The following SND1 variants were observed in gnomAD, a reference collection of about 807,000 sequenced individuals.
SND1 encodes staphylococcal nuclease and tudor domain containing 1.
SND1 carries 38 observed loss-of-function variants against 121.7 expected under a neutral mutation model. The ratio of observed to expected loss-of-function variants is 0.31; its 90% CI spans 0.24 to 0.41. The LOEUF is 0.41. SND1 is among the 10% of genes least tolerant of loss of function. The pLI, the probability that SND1 is intolerant of heterozygous loss-of-function variation, is 1.00. For missense variants in SND1, 868 were observed against 1,184.6 expected (o/e 0.73, Z 3.92); for synonymous variants, 401 against 447.4 (o/e 0.90, Z 1.31).
intron 15 of SND1, among the ~76,000 whole-genome samples, chr7:127,969,553 G>A (rs565558023): frequency 6.6e-5 from 10 of 152,210 alleles, no homozygotes; most frequent in Admixed American, 3.3e-4. Flanking sequence ...GTGAAATCCC[G>A]TCTCTACTAA....
intron 2 of SND1, chr7:127,694,564 C>A: frequency 4.9e-6 from 2 of 404,602 alleles, no homozygotes; most frequent in Non-Finnish European, 4.5e-6. Context: ...GGAAAAAGTC[C>A]TGCTGCCAGT....
intron 11 of SND1, among the ~76,000 whole-genome samples, chr7:127,841,093 A>G (rs867452543): frequency 6.6e-6 from 1 of 152,044 alleles, no homozygotes; most frequent in African/African-American, 2.4e-5. Flanking sequence ...TATTCCTCCT[A>G]TTATTACTCC....
At chr7:127,854,329 A>G (rs1389148459) in intron 12 of SND1, among the ~76,000 whole-genome samples, 1 of 152,004 alleles carries the variant, frequency 6.6e-6, no homozygotes, top group African/African-American at 2.4e-5. Flanking sequence ...GGGTTTTGCC[A>G]TGTTGGCCAG....
At chr7:127,679,767 ATC>A (rs1172438794) in intron 1 of SND1, among the ~76,000 whole-genome samples, 1 of 152,190 alleles carries the variant, frequency 6.6e-6, no homozygotes, top group East Asian at 1.9e-4. Flanking sequence ...TCAGTACGCA[ATC>A]TCTTTTTATT....
chr7:127,694,959 G>A lies in SND1; in HGVS notation c.349+11G>A. On this transcript the variant is annotated intron_variant, in intron 3 of 23. Transcript: ENST00000354725. ...TCTACCTTGGAAAAGGTGAGCTGCA[G>A]GGAGAGGACTCATTTCTCTCAAGTC... is the stretch of plus-strand genomic sequence containing the variant. 1 of 1,608,198 alleles carries A rather than the reference G, an allele frequency of 6.2e-7. No individual in the cohort carries two copies. Among genetic ancestry groups the A allele is most frequent in the Non-Finnish European group, 8.5e-7 (1 of 1,176,970 alleles).
intron 10 of SND1, among the ~76,000 whole-genome samples, chr7:127,774,004 C>T (rs1053090587): frequency 1.3e-5 from 2 of 152,278 alleles, no homozygotes; most frequent in Non-Finnish European, 1.5e-5. Context: ...TAATAATAAA[C>T]GACTACATGA....
intron 10 of SND1, among the ~76,000 whole-genome samples, chr7:127,737,850 T>C (rs1416594657): frequency 6.6e-6 from 1 of 152,214 alleles, no homozygotes; most frequent in Non-Finnish European, 1.5e-5. Flanking sequence ...TCAACCTGTA[T>C]AACCTAGAGT....
chr7:127,917,619 T>C (rs74653577), intron 14 of SND1, among the ~76,000 whole-genome samples: 5,440 of 152,294 alleles, frequency 0.036, 111 homozygotes, highest in Non-Finnish European at 0.053. Context: ...TGATAGGATC[T>C]GCTATGTTGC....
Position 128,092,191 on chromosome 7 carries a change from T to C in SND1, c.*133T>C. The C allele has an allele frequency of 1.0e-6, 1 of 967,630 alleles. No individual in the cohort carries two copies. Among genetic ancestry groups the C allele is most frequent in the Non-Finnish European group, 1.6e-6 (1 of 636,886 alleles). The allele number at this position is 967,630 out of a possible 1,614,324, so 59.9% of individuals were successfully genotyped here. ...AGCTTTGCTTCAGTGTGTGGAAATG[T>C]CTCGTGGGGTGGCATCGGGGCTGCG... is the stretch of plus-strand genomic sequence containing the variant. On this transcript the variant is annotated 3_prime_UTR_variant, in exon 24 of 24. Coordinates refer to ENST00000354725, the MANE Select transcript of SND1 (RefSeq NM_014390.4). This position sits in a 1 kb window ranked among gnomAD's most constrained non-coding sequence, Gnocchi z 4.9.
chr7:127,713,129 T>C (rs1326741653), intron 9 of SND1, among the ~76,000 whole-genome samples: 1 of 152,266 alleles, frequency 6.6e-6, no homozygotes, highest in Non-Finnish European at 1.5e-5. Context: ...TTGGTGGCCA[T>C]GTGGTCTCTG....
In SND1 at chr7:128,085,593, TGACAC is replaced by T; in HGVS notation, c.2235-117_2235-113del. 1.2e-6 allele frequency: 1 copy of T among 840,834 alleles called. No homozygotes were observed. Among genetic ancestry groups the T allele is most frequent in the Non-Finnish European group, 2.0e-6 (1 of 503,702 alleles). 52.1% of individuals were successfully genotyped at this position (840,834 alleles called of 1,614,324 possible). A position where few individuals can be genotyped will look rare whatever the true frequency, so the allele number is the denominator to read the frequency against. ...GATGGAGTGCAGTTACTGTCCCCTG[TGACAC>T]CCGTTGAACCCAGGCAGGGAAATGC... On this transcript the variant is annotated intron_variant, in intron 19 of 23. Coordinates refer to ENST00000354725, the MANE Select transcript of SND1 (RefSeq NM_014390.4). This position sits in a 1 kb window ranked among gnomAD's most constrained non-coding sequence, Gnocchi z 4.4.
chr7:127,747,799 A>G (rs984511817), intron 10 of SND1, among the ~76,000 whole-genome samples: 1 of 152,220 alleles, frequency 6.6e-6, no homozygotes, highest in African/African-American at 2.4e-5. Context: ...CAATGTCACC[A>G]TGTCGTATTG....
At chr7:127,832,157 TG>T (rs1261492119) in intron 11 of SND1, among the ~76,000 whole-genome samples, 15 of 152,258 alleles carry the variant, frequency 9.9e-5, no homozygotes, top group African/African-American at 3.6e-4. Context: ...TTATAACTCA[TG>T]AGATTTAAGA....
At chr7:127,887,752 T>C in intron 12 of SND1, 150 bp from the exon 13 acceptor site, 1 of 532,232 alleles carries the variant, frequency 1.9e-6, no homozygotes, top group Non-Finnish European at 3.4e-6. Context: ...TTTGGATTTC[T>C]AGCTTAGCAA....
intron 1 of SND1, among the ~76,000 whole-genome samples, chr7:127,670,875 A>C (rs1795503826): frequency 6.6e-6 from 1 of 152,124 alleles, no homozygotes; most frequent in South Asian, 2.1e-4. Flanking sequence ...ATAGGAAGGA[A>C]AAGGGATATC....
chr7:128,033,815 G>C (rs1391531327), intron 16 of SND1, among the ~76,000 whole-genome samples: 1 of 152,192 alleles, frequency 6.6e-6, no homozygotes, highest in African/African-American at 2.4e-5. Context: ...GCACGTCTCA[G>C]ATGTCAAGAA....
chr7:127,876,394 C>T lies in SND1; in HGVS notation c.1344-11508C>T, dbSNP rs191236985. 2.2e-3 allele frequency among the ~76,000 whole-genome samples: 332 copies of T among 151,938 alleles called. 3 individuals carry two copies. The highest frequency in any genetic ancestry group is 3.2e-3 in the Non-Finnish European group (215 of 67,958). On this transcript the variant is annotated intron_variant, in intron 12 of 23. Coordinates refer to ENST00000354725, the MANE Select transcript of SND1 (RefSeq NM_014390.4). ...GCCTCAACTGGGGTAGAGAGAGAAT[C>T]GAAAAGAAAATGTTCATGGGAAAAA...
At chr7:127,929,368 G>A in intron 15 of SND1, 39 bp downstream of exon 15, 1 of 1,608,750 alleles carries the variant, frequency 6.2e-7, no homozygotes, top group Non-Finnish European at 8.5e-7. Context: ...GAGCTCAGAA[G>A]TCATCCCTGG....
intron 15 of SND1, among the ~76,000 whole-genome samples, chr7:127,943,060 T>C (rs1427297000): frequency 1.3e-5 from 2 of 152,210 alleles, no homozygotes; most frequent in African/African-American, 4.8e-5. Flanking sequence ...AAAGAATACA[T>C]CTTACTATTG....
Sources: allele counts gnomAD v4.1 joint callset (sites outside exome capture counted in the v4.1 genomes callset), GRCh38; gene constraint gnomAD v4.1.1; non-coding constraint Gnocchi (gnomAD v3.1); transcripts MANE v1.5; gene names NCBI Gene and HGNC (gene_info 2026-07-23, HGNC 2026-07-21).